TIAM2: variants seen among roughly 807,000 people sequenced by gnomAD.
The protein encoded by TIAM2 is rho guanine nucleotide exchange factor TIAM2.
TIAM2 carries 80 observed loss-of-function variants against 152.9 expected under a neutral mutation model. That is an observed-to-expected ratio of 0.52 (90% CI 0.44 to 0.63). The LOEUF is 0.63. TIAM2 is among the 30% of genes least tolerant of loss of function. The pLI is 0.00. For synonymous variants in TIAM2, 804 were observed against 838.0 expected, an observed-to-expected ratio of 0.96 and a Z score of 0.70; for missense variants, 1,965 against 2,120.1, an observed-to-expected ratio of 0.93 and a Z score of 1.44.
intron 1 of TIAM2, among the ~76,000 whole-genome samples, chr6:155,043,357 A>C (rs1777089389): frequency 6.6e-6 from 1 of 152,096 alleles, no homozygotes; most frequent in Admixed American, 6.5e-5. Context: ...GGCCAGGTGC[A>C]GTGGCTCATG....
At chr6:155,155,311 C>T (rs891193158) in intron 7 of TIAM2, among the ~76,000 whole-genome samples, 28 of 151,268 alleles carry the variant, frequency 1.9e-4, no homozygotes, top group Admixed American at 1.8e-3. Context: ...CAGGCAGCTG[C>T]GATTACAGGC....
chr6:155,130,142 A>C lies in TIAM2; in HGVS notation c.919A>C (p.Asn307His), dbSNP rs1490556826. The C allele has an allele frequency of 8.7e-6, 14 of 1,614,050 alleles. No homozygotes were observed. The highest frequency in any genetic ancestry group is 1.3e-5 in the African/African-American group (1 of 74,928). The change falls in exon 4 of 27, where the codon AAC (asparagine) becomes CAC (histidine). Residue 307 changes from asparagine (N) to histidine (H), a missense_variant. Physicochemically the swap from Asn to His is moderately conservative, Grantham distance 68. Transcript: ENST00000682666. ...CCTCCGGGAACTGTACAAAGATGCC[A>C]ACCTGGGGAGCCTCTCCCCCTCAGG... ...SSLRELYKDA[N>H]LGSLSPSGIR...
At chr6:155,168,782 G>A in intron 9 of TIAM2, 4 of 1,342,308 alleles carry the variant, frequency 3.0e-6, no homozygotes, top group Non-Finnish European at 1.0e-6. Flanking sequence ...AATGAAAAAG[G>A]GTAGCTGGCA....
At chr6:155,241,569 C>T (rs566072042) in intron 16 of TIAM2, among the ~76,000 whole-genome samples, 120 of 152,216 alleles carry the variant, frequency 7.9e-4, no homozygotes, top group African/African-American at 2.7e-3. Flanking sequence ...CACACACGTG[C>T]GGCTATTACC....
intron 1 of TIAM2, among the ~76,000 whole-genome samples, chr6:155,071,351 G>A (rs1777833662): frequency 1.3e-5 from 2 of 152,178 alleles, no homozygotes; most frequent in African/African-American, 4.8e-5. Flanking sequence ...GAAGAAAGCG[G>A]AAGCAGCATT....
At chr6:155,000,892 G>A (rs1025151962) in intron 1 of TIAM2, among the ~76,000 whole-genome samples, 1 of 152,164 alleles carries the variant, frequency 6.6e-6, no homozygotes, top group African/African-American at 2.4e-5. Flanking sequence ...GTTGGGGCAC[G>A]AGAATTGCTT....
At chr6:155,164,373 A>C (rs755479226) in intron 7 of TIAM2, 42 bp from the exon 8 acceptor site, 25 of 1,537,258 alleles carry the variant, frequency 1.6e-5, no homozygotes, top group Middle Eastern at 1.7e-4. Flanking sequence ...ACCTGTGAAA[A>C]CTTTTAATTT....
chr6:155,222,909 C>A (rs1368098797), intron 15 of TIAM2, among the ~76,000 whole-genome samples: 3 of 152,154 alleles, frequency 2.0e-5, no homozygotes, highest in African/African-American at 7.2e-5. Context: ...CGTTTATTGT[C>A]CTTCATGCAT....
intron 24 of TIAM2, 124 bp downstream of exon 24, chr6:155,253,177 G>A (rs1783775957): frequency 1.5e-5 from 11 of 742,754 alleles, no homozygotes; most frequent in Non-Finnish European, 2.4e-5. Flanking sequence ...CAAGGAAAAT[G>A]AGGACAAGAG....
chr6:154,997,795 C>T (rs1417726820), intron 1 of TIAM2, among the ~76,000 whole-genome samples: 1 of 151,720 alleles, frequency 6.6e-6, no homozygotes, highest in Non-Finnish European at 1.5e-5. Flanking sequence ...CGTGCCACCA[C>T]ACCTGGCTAA....
chr6:155,104,044 C>CCCA (rs1778615381), intron 2 of TIAM2, among the ~76,000 whole-genome samples: 2 of 96,860 alleles, frequency 2.1e-5, no homozygotes, highest in African/African-American at 8.9e-5. Flanking sequence ...ACACACACCC[C>CCCA]CCCCCCCACA....
intron 13 of TIAM2, 83 bp from the exon 14 acceptor site, chr6:155,183,154 G>A: frequency 6.6e-7 from 1 of 1,524,488 alleles, no homozygotes; most frequent in Non-Finnish European, 8.9e-7. Context: ...TACATGGTTT[G>A]AGTTTGCAGC....
At chr6:155,125,829 C>T (rs575265726) in intron 2 of TIAM2, among the ~76,000 whole-genome samples, 72 of 151,518 alleles carry the variant, frequency 4.8e-4, no homozygotes, top group Middle Eastern at 6.8e-3. Context: ...CAGAGCAAGA[C>T]TCTGTCTCCA....
chr6:155,099,074 C>T (rs534890858), intron 2 of TIAM2, among the ~76,000 whole-genome samples: 1 of 151,412 alleles, frequency 6.6e-6, no homozygotes, highest in Non-Finnish European at 1.5e-5. Context: ...GTAATCCTAG[C>T]TACTTGGGAG....
intron 6 of TIAM2, among the ~76,000 whole-genome samples, chr6:155,147,394 C>T (rs1364477029): frequency 6.6e-6 from 1 of 152,174 alleles, no homozygotes; most frequent in Non-Finnish European, 1.5e-5. Context: ...GCAACCTCCG[C>T]CCCCTGGGCT....
At chr6:155,075,089 A>T (rs111552539) in intron 1 of TIAM2, among the ~76,000 whole-genome samples, 2,611 of 152,164 alleles carry the variant, frequency 0.017, 101 homozygotes, top group African/African-American at 0.06. Context: ...TGGGCAAGGA[A>T]TGCAATCCTG....
rs532821241 is a variant in TIAM2 at position 155,051,738 on chromosome 6, A to G, written c.-208-38551A>G. Among the ~76,000 whole-genome samples, 542 of 152,066 alleles carry G rather than the reference A, an allele frequency of 3.6e-3. 2 individuals are homozygous for G. The highest frequency in any genetic ancestry group is 0.013 in the African/African-American group (520 of 41,470). On this transcript the variant is annotated intron_variant, in intron 1 of 26. Coordinates refer to ENST00000682666, the MANE Select transcript of TIAM2 (RefSeq NM_012454.4). ...TGGCTCACTGCAACTTCCGCCTCCC[A>G]GGTTCAAGCAATTCTCCTGCCTCAC...
chr6:155,058,697 A>G (rs930538771), intron 1 of TIAM2, among the ~76,000 whole-genome samples: 9 of 152,298 alleles, frequency 5.9e-5, no homozygotes, highest in African/African-American at 2.2e-4. Context: ...TGTGATCACT[A>G]AGTCTTGGAG....
At chr6:155,253,925 C>T (rs1171273991) in intron 24 of TIAM2, 48 bp from the exon 25 acceptor site, 28 of 1,476,690 alleles carry the variant, frequency 1.9e-5, no homozygotes, top group Non-Finnish European at 2.5e-5. Context: ...TTAACCACAG[C>T]ATTTTGGGCA....
Sources: gnomAD v4.1 joint callset for allele counts (sites outside exome capture counted in the v4.1 genomes callset) on GRCh38, gnomAD v4.1.1 for gene constraint, MANE v1.5 for transcripts, NCBI Gene and HGNC (gene_info 2026-07-23, HGNC 2026-07-21) for gene names.